The following OTOG variants were observed in gnomAD, a reference collection of about 807,000 sequenced individuals.
OTOG encodes the protein otogelin.
In OTOG, 296 loss-of-function variants were observed where a neutral mutation model predicts 313.8. The observed-to-expected ratio is 0.94, with a 90% confidence interval of 0.86 to 1.04. OTOG has a LOEUF of 1.04. Among genes scored for constraint, OTOG ranks in the 50% least tolerant of loss-of-function variants. The probability of loss-of-function intolerance (pLI) is 0.00; values close to 1 mark genes in which losing one functional copy is unlikely to be tolerated. For missense variants in OTOG, 3,948 were observed against 3,840.1 expected (o/e 1.03, Z -0.74); for synonymous variants, 1,533 against 1,554.9 (o/e 0.99, Z 0.33).
Position 17,594,170 on chromosome 11 carries a change from A to C in OTOG, c.3408+4A>C, listed in dbSNP as rs1590027306. The C allele has an allele frequency of 6.4e-7, 1 of 1,550,594 alleles. No individual in the cohort carries two copies. Among genetic ancestry groups the C allele is most frequent in the East Asian group, 2.4e-5 (1 of 40,924 alleles). ...CAGCAGTTGGGCTGCAGTTGAGGTA[A>C]AGCCTCTCTTCCAGGCTGGCTTATG... is the stretch of plus-strand genomic sequence containing the variant. On this transcript the variant is annotated splice_donor_region_variant and intron_variant, in intron 28 of 55. Coordinates refer to ENST00000399397, the MANE Select transcript of OTOG (RefSeq NM_001292063.2).
Position 17,596,885 on chromosome 11 carries a change from C to T in OTOG, c.3560C>T (p.Thr1187Ile), listed in dbSNP as rs1853122165. The T allele has an allele frequency of 4.5e-6, 7 of 1,551,032 alleles. No individual in the cohort carries two copies. The East Asian group carries it at 1.7e-4, about 38-fold the overall frequency. The change falls in exon 30 of 56, where the codon ACA becomes ATA. Residue 1187 changes from threonine to isoleucine, a missense_variant. Transcript: ENST00000399397. ...DVTWFYSNCL[T>I]DTCGCSQGGD... is the part of the protein sequence containing the mutation. ...ACTTGGTTTTACTCAAACTGCCTGA[C>T]AGACACATGTGGCTGCAGCCAGGGT...
chr11:17,602,877 C>G (rs912026316), intron 32 of OTOG, among the ~76,000 whole-genome samples: 1 of 152,322 alleles, frequency 6.6e-6, no homozygotes, highest in East Asian at 1.9e-4. Context: ...ACAGTCCCAT[C>G]GAGGAGACAG....
chr11:17,605,864 T>C lies in OTOG; in HGVS notation c.3885T>C (p.Asp1295=). The part of the protein sequence containing the change: ...ALYKAKAHDP[D]VVSLEAADRP... ...CCATGTGGTTCTCTGCAGACCCAGATGTGGTGTCCCTGGAGGCAGCAGACA... is the reference window on the plus strand; with the variant it reads ...CCATGTGGTTCTCTGCAGACCCAGACGTGGTGTCCCTGGAGGCAGCAGACA... Residue 1295 remains aspartate (D), a synonymous_variant, in exon 33 of 56, where the codon GAT becomes GAC. Transcript: ENST00000399397. The C allele has an allele frequency of 5.8e-6, 9 of 1,543,076 alleles. No homozygotes were observed. Among genetic ancestry groups the C allele is most frequent in the African/African-American group, 1.4e-5 (1 of 73,102 alleles).
chr11:17,549,647 A>G (rs1281081177), intron 3 of OTOG, among the ~76,000 whole-genome samples: 2 of 152,178 alleles, frequency 1.3e-5, no homozygotes, highest in Non-Finnish European at 2.9e-5. Flanking sequence ...AGGAATCCCC[A>G]TGTTTTAGTG....
chr11:17,595,870 G>C (rs1416484751), intron 28 of OTOG, among the ~76,000 whole-genome samples, 168 bp from the exon 29 acceptor site: 1 of 152,190 alleles, frequency 6.6e-6, no homozygotes, highest in African/African-American at 2.4e-5. Context: ...TATTCTGTTG[G>C]TTTGAGGCAA....
Position 17,610,318 on chromosome 11 carries a change from C to T in OTOG, c.5018C>T (p.Thr1673Ile). ...SHKAVLTPAV[T>I]KVISRTGVPQ... The stretch of plus-strand genomic sequence containing the variant: ...AAGGCTGTGCTGACACCTGCAGTAA[C>T]TAAGGTCATAAGCAGGACAGGGGTC... Residue 1673 changes from threonine to isoleucine, a missense_variant, in exon 36 of 56, where the codon ACT becomes ATT. Transcript: ENST00000399397. 1.3e-6 allele frequency: 2 copies of T among 1,550,748 alleles called. No individual in the cohort carries two copies. Among genetic ancestry groups the T allele is most frequent in the South Asian group, 2.4e-5 (2 of 84,050 alleles).
rs970871839 is a variant in OTOG at position 17,612,702 on chromosome 11, C to T, written c.6375C>T (p.Ile2125=). 1.3e-6 allele frequency: 2 copies of T among 1,550,516 alleles called. No individual in the cohort carries two copies. Among genetic ancestry groups the T allele is most frequent in the South Asian group, 1.2e-5 (1 of 84,068 alleles). ...HVALFKEAIY[I]LSQSPDEMLT... is the part of the protein sequence containing the mutation. ...CTCTGTTCAAGGAGGCCATCTACAT[C>T]CTCAGCCAGAGCCCAGATGAAATGC... Residue 2125 remains isoleucine, a synonymous_variant, in exon 38 of 56, where the codon ATC becomes ATT. Coordinates refer to ENST00000399397, the MANE Select transcript of OTOG (RefSeq NM_001292063.2).
intron 15 of OTOG, 81 bp downstream of exon 15, chr11:17,561,888 G>A: frequency 1.3e-6 from 2 of 1,508,220 alleles, no homozygotes; most frequent in Non-Finnish European, 1.8e-6. Flanking sequence ...ACTTAGGACA[G>A]GGCTCAGGTC....
At chr11:17,630,484 T>C (rs1268142595) in intron 40 of OTOG, among the ~76,000 whole-genome samples, 3 of 152,256 alleles carry the variant, frequency 2.0e-5, no homozygotes, top group Admixed American at 6.5e-5. Context: ...AATCATGCTT[T>C]ATATTCACAG....
intron 39 of OTOG, 94 bp downstream of exon 39, chr11:17,613,795 G>A: frequency 1.1e-6 from 1 of 887,492 alleles, no homozygotes; most frequent in Non-Finnish European, 1.7e-6. Flanking sequence ...GCTGAATCAT[G>A]ATTCAGGGCA....
In OTOG at chr11:17,591,493, G is replaced by T. The variant is rs897016393; in HGVS notation, c.2911G>T (p.Ala971Ser). The change falls in exon 25 of 56, where the codon GCC (alanine) becomes TCC (serine). Residue 971 changes from alanine (A) to serine (S), a missense_variant. Transcript: ENST00000399397. The stretch of plus-strand genomic sequence containing the variant: ...ATTCCAGTGCACCCTGCACCCTTGC[G>T]CCTCCACCTGCACTGCCTATGGGGA... ...GSFQCTLHPC[A>S]STCTAYGDRH... The T allele has an allele frequency of 1.9e-6, 3 of 1,550,688 alleles. No individual in the cohort carries two copies. In the South Asian group the frequency reaches 3.6e-5, roughly 18 times the overall value.
chr11:17,547,920 TC>T lies in OTOG; in HGVS notation c.95-3del. On this transcript the variant is annotated splice_region_variant and splice_polypyrimidine_tract_variant and intron_variant, in intron 1 of 55. Coordinates refer to ENST00000399397, the MANE Select transcript of OTOG (RefSeq NM_001292063.2). ...CAATTTGAGTGGAGAATAATCCCCC[TC>T]CCCAGCCGCAGCACCCGTTCTGTGG... 2.2e-6 allele frequency: 1 copy of T among 456,800 alleles called. No individual in the cohort carries two copies. The allele number at this position is 456,800 out of a possible 1,614,324, so 28.3% of individuals were successfully genotyped here.
chr11:17,631,752 G>C lies in OTOG; in HGVS notation c.6763G>C (p.Val2255Leu), dbSNP rs565305037. 3.9e-6 allele frequency: 6 copies of C among 1,550,646 alleles called. No individual in the cohort carries two copies. Among genetic ancestry groups the C allele is most frequent in the Non-Finnish European group, 5.2e-6 (6 of 1,147,006 alleles). Residue 2255 changes from valine (V) to leucine (L), a missense_variant, in exon 41 of 56, where the codon GTG (valine) becomes CTG (leucine). Coordinates refer to ENST00000399397, the MANE Select transcript of OTOG (RefSeq NM_001292063.2). ...TGACCTTACCCTGAAGGATGGCTCA[G>C]TGGTGGGTGGGGCTGAGGACCCTGC... The part of the protein sequence containing the change: ...ANDLTLKDGS[V>L]VGGAEDPAPF...
At chr11:17,588,660 C>G (rs928137896) in intron 24 of OTOG, among the ~76,000 whole-genome samples, 4 of 152,116 alleles carry the variant, frequency 2.6e-5, no homozygotes, top group Admixed American at 2.6e-4. Context: ...CTCTGTGACT[C>G]TTGCCAACCC....
chr11:17,632,020 A>AG (rs1184629833), intron 41 of OTOG, 68 bp from the exon 42 acceptor site: 9 of 1,538,070 alleles, frequency 5.9e-6, no homozygotes, highest in Non-Finnish European at 7.0e-6. Flanking sequence ...TTGGGCAGGG[A>AG]GGGGAGGAGC....
chr11:17,638,378 G>A, intron 47 of OTOG, 73 bp from the exon 48 acceptor site: 12 of 1,258,476 alleles, frequency 9.5e-6, no homozygotes. Context: ...TCTTTAGCCA[G>A]TGTTGCCCTT....
intron 4 of OTOG, 136 bp downstream of exon 4, chr11:17,552,211 C>A: frequency 2.4e-6 from 2 of 844,078 alleles, no homozygotes; most frequent in Admixed American, 2.2e-5. Context: ...TCCTTCCACC[C>A]ACTCTGGCCC....
chr11:17,639,497 TC>T (rs1847923856), intron 49 of OTOG, 34 bp downstream of exon 49: 2 of 1,546,964 alleles, frequency 1.3e-6, no homozygotes, highest in African/African-American at 2.7e-5. Context: ...CACTCCCTGG[TC>T]TGCTCCCCTT....
chr11:17,643,867 C>T (rs1045370058), intron 54 of OTOG, among the ~76,000 whole-genome samples: 6 of 152,250 alleles, frequency 3.9e-5, no homozygotes, highest in African/African-American at 9.6e-5. Flanking sequence ...CGTAGTCAGA[C>T]GCCCTGGTCT....
Sources: gnomAD v4.1 joint callset for allele counts (sites outside exome capture counted in the v4.1 genomes callset) on GRCh38, gnomAD v4.1.1 for gene constraint, MANE v1.5 for transcripts, NCBI Gene and HGNC (gene_info 2026-07-23, HGNC 2026-07-21) for gene names.